ENTREP2: variants seen among roughly 807,000 people sequenced by gnomAD.
The protein encoded by ENTREP2 is protein ENTREP2.
At chr15:29,382,448 G>C in the ENTREP2 span, among the ~76,000 whole-genome samples, 1 of 151,520 alleles carries the variant, frequency 6.6e-6, no homozygotes, top group Non-Finnish European at 1.5e-5. Context: ...CAGCCCCTGC[G>C]AGCCCCTCCC....
the ENTREP2 span, among the ~76,000 whole-genome samples, chr15:29,380,780 C>T: frequency 3.3e-5 from 5 of 151,790 alleles, no homozygotes; most frequent in East Asian, 1.9e-4. Flanking sequence ...TTTGCTTGTG[C>T]GATCATACAT....
chr15:29,407,279 T>G, the ENTREP2 span, among the ~76,000 whole-genome samples: 1 of 152,154 alleles, frequency 6.6e-6, no homozygotes, highest in Non-Finnish European at 1.5e-5. Context: ...CATCTCAACA[T>G]AATAACGGTA....
the ENTREP2 span, among the ~76,000 whole-genome samples, chr15:29,425,968 T>C: frequency 6.6e-6 from 1 of 150,730 alleles, no homozygotes; most frequent in Admixed American, 6.6e-5. Flanking sequence ...TGTTTATCTT[T>C]AATAACTAAA....
chr15:29,402,958 G>A, the ENTREP2 span, among the ~76,000 whole-genome samples: 1 of 152,190 alleles, frequency 6.6e-6, no homozygotes, highest in East Asian at 1.9e-4. Context: ...GGCGGGAGAG[G>A]TGGACGGGGC....
the ENTREP2 span, among the ~76,000 whole-genome samples, chr15:29,443,741 G>A: frequency 6.6e-6 from 1 of 152,038 alleles, no homozygotes; most frequent in Non-Finnish European, 1.5e-5. Flanking sequence ...AGGAGAGAGG[G>A]GTGCCCATGA....
the ENTREP2 span, among the ~76,000 whole-genome samples, chr15:29,306,644 A>G: frequency 7.1e-6 from 1 of 141,218 alleles, no homozygotes; most frequent in African/African-American, 2.5e-5. Flanking sequence ...TATCTAAGAT[A>G]TACTGAAAAA....
At chr15:29,222,459 C>T in the ENTREP2 span, among the ~76,000 whole-genome samples, 2 of 152,094 alleles carry the variant, frequency 1.3e-5, no homozygotes, top group East Asian at 3.8e-4. Flanking sequence ...TCTATGGGCT[C>T]GCCTCTAATT....
chr15:29,467,799 C>T, the ENTREP2 span, among the ~76,000 whole-genome samples: 6 of 152,182 alleles, frequency 3.9e-5, no homozygotes, highest in Admixed American at 6.5e-5. Flanking sequence ...GGCCTTTCTG[C>T]AGCATGACTT....
the ENTREP2 span, among the ~76,000 whole-genome samples, chr15:29,159,031 G>C: frequency 6.6e-6 from 1 of 152,178 alleles, no homozygotes; most frequent in African/African-American, 2.4e-5. Context: ...AACAGTTCAG[G>C]ACATTGAGCG....
chr15:29,148,636 T>C, the ENTREP2 span, among the ~76,000 whole-genome samples: 1 of 152,202 alleles, frequency 6.6e-6, no homozygotes, highest in African/African-American at 2.4e-5. Context: ...CCTTGAATAG[T>C]GTCGATCCAC....
the ENTREP2 span, among the ~76,000 whole-genome samples, chr15:29,320,975 G>A: frequency 1.3e-5 from 2 of 152,230 alleles, no homozygotes; most frequent in South Asian, 4.1e-4. Flanking sequence ...CACATCTAAA[G>A]TAATATAAAC....
chr15:29,625,321 G>A, the ENTREP2 span, among the ~76,000 whole-genome samples: 5 of 152,074 alleles, frequency 3.3e-5, no homozygotes. Flanking sequence ...GAATAAAATC[G>A]CTGTGAGTGT....
the ENTREP2 span, among the ~76,000 whole-genome samples, chr15:29,481,285 T>C: frequency 6.6e-6 from 1 of 152,158 alleles, no homozygotes; most frequent in Non-Finnish European, 1.5e-5. Flanking sequence ...ATGCAGATCC[T>C]GCTACAAAAT....
chr15:29,594,786 A>C, the ENTREP2 span, among the ~76,000 whole-genome samples: 1 of 152,116 alleles, frequency 6.6e-6, no homozygotes, highest in African/African-American at 2.4e-5. Flanking sequence ...AATGAGGTGA[A>C]GCCCCCTCTC....
At chr15:29,295,039 G>A in the ENTREP2 span, among the ~76,000 whole-genome samples, 4 of 152,186 alleles carry the variant, frequency 2.6e-5, no homozygotes, top group Admixed American at 6.5e-5. Flanking sequence ...CCAGACCATC[G>A]GGAGGGAGAA....
chr15:29,461,970 C>T, the ENTREP2 span, among the ~76,000 whole-genome samples: 2 of 152,190 alleles, frequency 1.3e-5, no homozygotes, highest in Non-Finnish European at 2.9e-5. Context: ...TTTGACTACT[C>T]TATGTCCCTC....
chr15:29,123,729 TG>T, the ENTREP2 span: 1 of 1,428,640 alleles, frequency 7.0e-7, no homozygotes, highest in Non-Finnish European at 9.4e-7. Context: ...AAGAAAAGCC[TG>T]CTCGGGAGGA....
the ENTREP2 span, among the ~76,000 whole-genome samples, chr15:29,145,508 A>G: frequency 6.6e-4 from 100 of 151,596 alleles, no homozygotes; most frequent in African/African-American, 2.3e-3. Flanking sequence ...CTGTAGTCCC[A>G]ACTATTCAGG....
chr15:29,567,887 TAGA>T, the ENTREP2 span, among the ~76,000 whole-genome samples: 1 of 152,160 alleles, frequency 6.6e-6, no homozygotes, highest in Non-Finnish European at 1.5e-5. Context: ...GGTCTCATTT[TAGA>T]AGATTTAGAG....
Sources: allele counts gnomAD v4.1 joint callset (sites outside exome capture counted in the v4.1 genomes callset), GRCh38; gene constraint gnomAD v4.1.1; transcripts MANE v1.5; gene names NCBI Gene and HGNC (gene_info 2026-07-23, HGNC 2026-07-21).